Variants in B3GALNT2 observed in about 807,000 individuals in gnomAD.
B3GALNT2 encodes UDP-GalNAc:beta-1,3-N-acetylgalactosaminyltransferase 2.
A neutral mutation model predicts 61.1 loss-of-function variants in B3GALNT2; 53 were observed. The observed-to-expected ratio is 0.87, with a 90% confidence interval of 0.70 to 1.09. B3GALNT2 has a LOEUF of 1.09. Among genes scored for constraint, B3GALNT2 ranks in the 50% least tolerant of loss-of-function variants. The probability of loss-of-function intolerance (pLI) is 0.00; values close to 1 mark genes in which losing one functional copy is unlikely to be tolerated. For synonymous variants in B3GALNT2, 223 were observed against 237.4 expected (o/e 0.94, Z 0.56); for missense variants, 544 against 623.0 (o/e 0.87, Z 1.35).
At chr1:235,501,751 C>G (rs928248022) in intron 1 of B3GALNT2, among the ~76,000 whole-genome samples, 7 of 151,400 alleles carry the variant, frequency 4.6e-5, no homozygotes, top group African/African-American at 1.2e-4. Context: ...GACAAAGCAG[C>G]AGAAGAGAAA....
chr1:235,459,791 T>C (rs1231355869), intron 7 of B3GALNT2, among the ~76,000 whole-genome samples: 1 of 151,734 alleles, frequency 6.6e-6, no homozygotes, highest in African/African-American at 2.4e-5. Flanking sequence ...ACCTACAATG[T>C]TTTCTTTTTT....
Position 235,449,858 on chromosome 1 carries a change from T to C in B3GALNT2, c.*348A>G, listed in dbSNP as rs1682786777. 1.0e-5 allele frequency: 2 copies of C among 195,308 alleles called. No individual in the cohort carries two copies. Among genetic ancestry groups the C allele is most frequent in the South Asian group, 1.9e-4 (2 of 10,706 alleles). 12.1% of individuals were successfully genotyped at this position (195,308 alleles called of 1,614,324 possible). Reference sequence around the variant, plus strand: ...ACTCTCAGTTACTACTACAGATTTCTGAACTAGGCCAAGTTTTAACCAAAA... The same window carrying C: ...ACTCTCAGTTACTACTACAGATTTCCGAACTAGGCCAAGTTTTAACCAAAA... On this transcript the variant is annotated 3_prime_UTR_variant, in exon 12 of 12. Coordinates refer to ENST00000366600, the MANE Select transcript of B3GALNT2 (RefSeq NM_152490.5).
intron 11 of B3GALNT2, 118 bp downstream of exon 11, chr1:235,452,972 A>T: frequency 1.1e-6 from 1 of 912,704 alleles, no homozygotes. Flanking sequence ...AATCCAAAAA[A>T]ATCTGAAATC....
chr1:235,465,512 A>G, intron 7 of B3GALNT2, 124 bp downstream of exon 7: 1 of 1,412,552 alleles, frequency 7.1e-7, no homozygotes, highest in Non-Finnish European at 9.5e-7. Flanking sequence ...CCACTTTAAA[A>G]GGGTGAATTT....
At chr1:235,500,494 A>C (rs1685536119) in intron 1 of B3GALNT2, among the ~76,000 whole-genome samples, 1 of 152,218 alleles carries the variant, frequency 6.6e-6, no homozygotes, top group African/African-American at 2.4e-5. Context: ...TAATAATCAA[A>C]AAAGTCTAAA....
intron 1 of B3GALNT2, 21 bp downstream of exon 1, chr1:235,504,120 C>T (rs1216832093): frequency 1.1e-5 from 13 of 1,215,166 alleles, no homozygotes; most frequent in Non-Finnish European, 1.3e-5. Flanking sequence ...GCCGCCAACC[C>T]GCCCGGCCCC....
rs778152170 is a variant in B3GALNT2, at chr1:235,489,234, A to T, written c.295T>A (p.Cys99Ser). The change falls in exon 3 of 12, where the codon TGT (cysteine) becomes AGT (serine). Residue 99 changes from cysteine (C) to serine (S), a missense_variant. Physicochemically the swap from Cys to Ser is moderately radical, Grantham distance 112 (BLOSUM62 -1). Transcript: ENST00000366600. ...LVKFIIGAHG[C>S]EVPVEDREDP... ...TCCCTGTCTTCCACAGGCACTTCAC[A>T]GCCATGAGCACCTATTATGAACTTC... The T allele has an allele frequency of 6.2e-7, 1 of 1,614,044 alleles. No individual in the cohort carries two copies. The highest frequency in any genetic ancestry group is 1.1e-5 in the South Asian group (1 of 91,082).
At chr1:235,442,223 T>A (rs1426524595), downstream of B3GALNT2, among the ~76,000 whole-genome samples, 1 of 152,056 alleles carries the variant, frequency 6.6e-6, no homozygotes, top group Non-Finnish European at 1.5e-5. Context: ...CAGACTGGAG[T>A]GCAGTGGCAC....
chr1:235,475,497 C>A (rs530892919), intron 5 of B3GALNT2, among the ~76,000 whole-genome samples: 2 of 152,060 alleles, frequency 1.3e-5, no homozygotes, highest in Admixed American at 6.6e-5. Flanking sequence ...AACTTCCTCT[C>A]GCAAATGGAA....
intron 1 of B3GALNT2, chr1:235,496,086 C>T (rs530673770): frequency 5.2e-5 from 8 of 154,084 alleles, no homozygotes; most frequent in African/African-American, 1.2e-4. Flanking sequence ...CCGAGGTGGG[C>T]GGATCACCTG....
intron 4 of B3GALNT2, among the ~76,000 whole-genome samples, chr1:235,483,967 C>A (rs944494535): frequency 6.6e-6 from 1 of 152,146 alleles, no homozygotes; most frequent in Admixed American, 6.5e-5. Context: ...TTACAGACTT[C>A]TACAGTTGGA....
Position 235,448,727 on chromosome 1 carries a change from G to A in B3GALNT2, c.*1479C>T, listed in dbSNP as rs1165259548. On this transcript the variant is annotated 3_prime_UTR_variant, in exon 12 of 12. Transcript: ENST00000366600. ...CCTAAAGTCATTACAGTTTTATTCT[G>A]TGGAAAATGGAGATTGTCTATTAGT... The A allele has an allele frequency of 6.2e-7, 1 of 1,614,058 alleles. No homozygotes were observed. Among genetic ancestry groups the A allele is most frequent in the South Asian group, 1.1e-5 (1 of 91,082 alleles).
At position 235,457,111 on chromosome 1, in the gene B3GALNT2, A is replaced by AAAATAAAT. The variant is rs10668990; in HGVS notation, c.1026-1435_1026-1428dup. On this transcript the variant is annotated intron_variant, in intron 8 of 11. Coordinates refer to ENST00000366600, the MANE Select transcript of B3GALNT2 (RefSeq NM_152490.5). ...CTGCTTGAGACCTCATTTCTATTAA[A>AAAATAAAT]AAATAAATAAATAAATAAATAAATA... Among the ~76,000 whole-genome samples the AAAATAAAT allele has an allele frequency of 1.9e-4, 28 of 149,474 alleles. No individual in the cohort carries two copies. In the East Asian group the frequency reaches 3.2e-3, roughly 17 times the overall value.
In B3GALNT2 at chr1:235,448,393, C is replaced by T; in HGVS notation, c.*1813G>A. The T allele has an allele frequency of 6.2e-7, 1 of 1,614,082 alleles. No homozygotes were observed. Among genetic ancestry groups the T allele is most frequent in the Non-Finnish European group, 8.5e-7 (1 of 1,179,970 alleles). On this transcript the variant is annotated 3_prime_UTR_variant, in exon 12 of 12. Coordinates refer to ENST00000366600, the MANE Select transcript of B3GALNT2 (RefSeq NM_152490.5). ...GGTGAAGGGATTGCTGTCACGTCTT[C>T]TCAAAGTTCCTGTGTCAGACCTTCT...
At chr1:235,492,243 AT>A (rs1446006200) in intron 2 of B3GALNT2, among the ~76,000 whole-genome samples, 1 of 152,250 alleles carries the variant, frequency 6.6e-6, no homozygotes, top group Non-Finnish European at 1.5e-5. Flanking sequence ...GAATAAAAGT[AT>A]AAACAGAAAT....
At chr1:235,465,820 TA>T in intron 6 of B3GALNT2, 106 bp from the exon 7 acceptor site, 2 of 1,295,872 alleles carry the variant, frequency 1.5e-6, no homozygotes, top group Non-Finnish European at 1.1e-6. Flanking sequence ...TTGCAGCAGA[TA>T]AATGCATGTA....
intron 1 of B3GALNT2, among the ~76,000 whole-genome samples, chr1:235,501,320 A>G (rs898734248): frequency 2.0e-5 from 3 of 152,128 alleles, no homozygotes; most frequent in Admixed American, 1.3e-4. Context: ...AAGGGAACCT[A>G]TCACATTAAA....
chr1:235,484,511 C>T lies in B3GALNT2; in HGVS notation c.366G>A (p.Leu122=), dbSNP rs1202096695. ...GACTGAACGCTTCAATTTCCTGATT[C>T]AAAACTAAGTAATGAGAACAGGTTT... The part of the protein sequence containing the change: ...CKLLNITNPV[L]NQEIEAFSLS... Residue 122 remains leucine, a synonymous_variant, in exon 4 of 12, where the codon TTG becomes TTA. Coordinates refer to ENST00000366600, the MANE Select transcript of B3GALNT2 (RefSeq NM_152490.5). 9 of 1,613,652 alleles carry T rather than the reference C, an allele frequency of 5.6e-6. No homozygotes were observed. The highest frequency in any genetic ancestry group is 7.6e-6 in the Non-Finnish European group (9 of 1,179,906).
At chr1:235,441,813 G>A in the B3GALNT2 span, 1 of 1,613,830 alleles carries the variant, frequency 6.2e-7, no homozygotes, top group East Asian at 2.2e-5. Context: ...TTCTTAAACA[G>A]AATATGGTGC....
Sources: gnomAD v4.1 joint callset for allele counts (sites outside exome capture counted in the v4.1 genomes callset) on GRCh38, gnomAD v4.1.1 for gene constraint, MANE v1.5 for transcripts, NCBI Gene and HGNC (gene_info 2026-07-23, HGNC 2026-07-21) for gene names.